The following CNTNAP5 variants were observed in gnomAD, a reference collection of about 807,000 sequenced individuals.
CNTNAP5 encodes the protein contactin associated protein family member 5, also known as contactin-associated protein-like 5.
A neutral mutation model predicts 150.2 loss-of-function variants in CNTNAP5; 72 were observed. The ratio of observed to expected loss-of-function variants is 0.48; its 90% CI spans 0.40 to 0.58. CNTNAP5 has a LOEUF of 0.58. Ranked by LOEUF, CNTNAP5 falls within the 20% of genes least tolerant of loss-of-function variation. The probability of loss-of-function intolerance (pLI) is 0.00; values close to 1 mark genes in which losing one functional copy is unlikely to be tolerated. For synonymous variants in CNTNAP5, 672 were observed against 619.8 expected, an observed-to-expected ratio of 1.08 and a Z score of -1.25; for missense variants, 1,636 against 1,626.2, an observed-to-expected ratio of 1.01 and a Z score of -0.10.
intron 3 of CNTNAP5, among the ~76,000 whole-genome samples, chr2:124,303,768 C>T (rs959859133): frequency 2.6e-5 from 4 of 152,158 alleles, no homozygotes; most frequent in African/African-American, 9.7e-5. Context: ...CACCATGGCT[C>T]ACATCTGTAA....
intron 1 of CNTNAP5, among the ~76,000 whole-genome samples, chr2:124,086,547 A>AC (rs1464625641): frequency 1.3e-5 from 2 of 151,066 alleles, no homozygotes; most frequent in Admixed American, 1.3e-4. Context: ...TGGTGTATTG[A>AC]CCCTTTTATC....
intron 10 of CNTNAP5, among the ~76,000 whole-genome samples, chr2:124,530,095 T>C (rs1233880640): frequency 6.6e-6 from 1 of 152,176 alleles, no homozygotes. Flanking sequence ...GCAGATTAAC[T>C]GAAGCCAGAA....
intron 6 of CNTNAP5, among the ~76,000 whole-genome samples, chr2:124,462,682 C>A (rs1436979967): frequency 6.6e-6 from 1 of 152,152 alleles, no homozygotes; most frequent in Non-Finnish European, 1.5e-5. Flanking sequence ...CCTTAATAAA[C>A]TCATGTAAAG....
intron 17 of CNTNAP5, among the ~76,000 whole-genome samples, chr2:124,783,879 T>C (rs995470485): frequency 3.3e-5 from 5 of 152,252 alleles, no homozygotes; most frequent in Admixed American, 6.5e-5. Flanking sequence ...CTCAACCAGA[T>C]ACATGCCTTA....
intron 1 of CNTNAP5, among the ~76,000 whole-genome samples, chr2:124,094,629 A>G (rs1050650984): frequency 6.6e-6 from 1 of 152,264 alleles, no homozygotes; most frequent in African/African-American, 2.4e-5. Flanking sequence ...ATCAATATAT[A>G]CATAATAAAA....
At chr2:124,807,636 C>T (rs544826375) in intron 19 of CNTNAP5, among the ~76,000 whole-genome samples, 105 of 152,214 alleles carry the variant, frequency 6.9e-4, no homozygotes, top group African/African-American at 2.5e-3. Context: ...AAATCAAAGC[C>T]CATTATATTT....
chr2:124,669,035 T>C (rs1678756049), intron 13 of CNTNAP5, among the ~76,000 whole-genome samples: 1 of 152,200 alleles, frequency 6.6e-6, no homozygotes. Flanking sequence ...CTGCCTCCTC[T>C]GTGAAGCCCA....
chr2:124,793,248 C>T (rs541789713), intron 18 of CNTNAP5, among the ~76,000 whole-genome samples: 92 of 152,240 alleles, frequency 6.0e-4, no homozygotes, highest in African/African-American at 2.2e-3. Flanking sequence ...GAAATGCTAT[C>T]GCATTGTGGT....
At chr2:124,740,374 T>C (rs1680471900) in intron 13 of CNTNAP5, among the ~76,000 whole-genome samples, 1 of 152,092 alleles carries the variant, frequency 6.6e-6, no homozygotes, top group East Asian at 1.9e-4. Context: ...GGCAGGACCA[T>C]TACTATCATG....
intron 6 of CNTNAP5, among the ~76,000 whole-genome samples, chr2:124,469,526 T>C (rs1693453987): frequency 6.6e-6 from 1 of 152,174 alleles, no homozygotes; most frequent in African/African-American, 2.4e-5. Flanking sequence ...TTGATGTATG[T>C]GAAAAATTTG....
At chr2:124,400,682 T>TTTTG (rs1553464862) in intron 3 of CNTNAP5, among the ~76,000 whole-genome samples, 10 of 114,860 alleles carry the variant, frequency 8.7e-5, no homozygotes, top group African/African-American at 2.0e-4. Flanking sequence ...TTTTTTTTTT[T>TTTTG]TTTTTTGTTT....
intron 14 of CNTNAP5, among the ~76,000 whole-genome samples, chr2:124,760,407 T>C (rs554536919): frequency 1.3e-5 from 2 of 152,054 alleles, no homozygotes; most frequent in Non-Finnish European, 2.9e-5. Flanking sequence ...CCAAAATTCG[T>C]TGATGAAAAT....
chr2:124,470,301 T>C (rs981829344), intron 6 of CNTNAP5, among the ~76,000 whole-genome samples: 1 of 152,216 alleles, frequency 6.6e-6, no homozygotes, highest in Admixed American at 6.5e-5. Flanking sequence ...TGGTTTTCCT[T>C]TGGATTTCTC....
Position 124,914,396 on chromosome 2 carries a change from T to C in CNTNAP5, c.*108T>C. Reference sequence around the variant, plus strand: ...CATTCTCTTTATTTTCTGCTTGCCATGTCTTTTCTGGAACATACTTGCATC... The same window carrying C: ...CATTCTCTTTATTTTCTGCTTGCCACGTCTTTTCTGGAACATACTTGCATC... On this transcript the variant is annotated 3_prime_UTR_variant, in exon 24 of 24. Coordinates refer to ENST00000682447, the MANE Select transcript of CNTNAP5 (RefSeq NM_001367498.1). 2 of 826,680 alleles carry C rather than the reference T, an allele frequency of 2.4e-6. No individual in the cohort carries two copies. The highest frequency in any genetic ancestry group is 2.7e-5 in the East Asian group (1 of 37,262). The allele number at this position is 826,680 out of a possible 1,614,324, so 51.2% of individuals were successfully genotyped here.
chr2:124,358,448 G>C (rs1690089834), intron 3 of CNTNAP5, among the ~76,000 whole-genome samples: 1 of 152,172 alleles, frequency 6.6e-6, no homozygotes, highest in Admixed American at 6.5e-5. Flanking sequence ...GTGTGTCATA[G>C]ATAGCTCTTA....
At chr2:124,326,368 G>T (rs114670523) in intron 3 of CNTNAP5, among the ~76,000 whole-genome samples, 4,364 of 152,292 alleles carry the variant, frequency 0.029, 127 homozygotes, top group Non-Finnish European at 0.041. Context: ...TTGTGTGTGT[G>T]CCTGTGCCAA....
intron 8 of CNTNAP5, among the ~76,000 whole-genome samples, chr2:124,522,289 C>T (rs1694862819): frequency 6.6e-6 from 1 of 152,174 alleles, no homozygotes; most frequent in African/African-American, 2.4e-5. Context: ...CAAGGCAGGT[C>T]TATTTTACCT....
intron 13 of CNTNAP5, among the ~76,000 whole-genome samples, chr2:124,705,586 T>C (rs1425637788): frequency 6.6e-6 from 1 of 152,088 alleles, no homozygotes; most frequent in Non-Finnish European, 1.5e-5. Context: ...GTATCTTGCA[T>C]ATAGTAGGCA....
chr2:124,245,535 C>T (rs968672407), intron 3 of CNTNAP5, among the ~76,000 whole-genome samples: 1 of 151,314 alleles, frequency 6.6e-6, no homozygotes, highest in Non-Finnish European at 1.5e-5. Context: ...CAAGTACTGG[C>T]TTAAAGGTGG....
Sources: gnomAD v4.1 joint callset for allele counts (sites outside exome capture counted in the v4.1 genomes callset) on GRCh38, gnomAD v4.1.1 for gene constraint, MANE v1.5 for transcripts, NCBI Gene and HGNC (gene_info 2026-07-23, HGNC 2026-07-21) for gene names.